IL1RAP: variants seen among roughly 807,000 people sequenced by gnomAD.
The protein encoded by IL1RAP is interleukin 1 receptor accessory protein.
IL1RAP carries 35 observed loss-of-function variants against 60.7 expected under a neutral mutation model. The observed-to-expected ratio is 0.58, with a 90% CI of 0.44 to 0.76. The LOEUF is 0.76. Ranked by LOEUF, IL1RAP falls within the 30% of genes least tolerant of loss-of-function variation. IL1RAP has a pLI of 0.00. For synonymous variants in IL1RAP, 268 were observed against 250.9 expected (o/e 1.07, Z -0.64); for missense variants, 572 against 693.9 (o/e 0.82, Z 1.97).
chr3:190,563,717 CA>C, intron 2 of IL1RAP, among the ~76,000 whole-genome samples: 1 of 152,242 alleles, frequency 6.6e-6, no homozygotes, highest in Non-Finnish European at 1.5e-5. Context: ...AGATTGCAGA[CA>C]AAGTCTGAAT....
In IL1RAP at chr3:190,644,291, A is replaced by G. The variant is rs1182050626; in HGVS notation, c.1095A>G (p.Gly365=). 3 of 1,613,602 alleles carry G rather than the reference A, an allele frequency of 1.9e-6. No homozygotes were observed. The African/African-American group carries it at 4.0e-5, about 22-fold the overall frequency. ...RYTVELACGF[G]ATVLLVVILI... ...CAGTGGAACTGGCTTGTGGTTTTGG[A>G]GCCACAGTCCTGCTAGTGGTGATTC... Residue 365 remains glycine (G), a synonymous_variant, in exon 10 of 12, where the codon GGA becomes GGG. Transcript: ENST00000447382.
intron 9 of IL1RAP, among the ~76,000 whole-genome samples, chr3:190,636,459 G>A (rs1245770375): frequency 1.3e-5 from 2 of 151,646 alleles, no homozygotes; most frequent in Non-Finnish European, 2.9e-5. Context: ...ATTGTGAAAT[G>A]TCCGTTTTTT....
At chr3:190,638,215 C>T (rs1733380056) in intron 9 of IL1RAP, among the ~76,000 whole-genome samples, 1 of 151,082 alleles carries the variant, frequency 6.6e-6, no homozygotes, top group South Asian at 2.1e-4. Context: ...TTTTTTTTTC[C>T]CCAAGTGGCT....
At chr3:190,550,700 G>C (rs1488176490) in intron 1 of IL1RAP, among the ~76,000 whole-genome samples, 3 of 152,186 alleles carry the variant, frequency 2.0e-5, no homozygotes, top group African/African-American at 7.2e-5. Flanking sequence ...CATCCCATTT[G>C]CTCTTTCTGA....
At chr3:190,647,604 C>T (rs978422709) in intron 11 of IL1RAP, among the ~76,000 whole-genome samples, 9 of 152,118 alleles carry the variant, frequency 5.9e-5, no homozygotes, top group Non-Finnish European at 1.5e-5. Flanking sequence ...GCTGCCGAAA[C>T]ACATAGCTTT....
At chr3:190,527,959 T>C (rs1577507857) in intron 1 of IL1RAP, among the ~76,000 whole-genome samples, 1 of 151,518 alleles carries the variant, frequency 6.6e-6, no homozygotes, top group Admixed American at 6.6e-5. Flanking sequence ...TTTTCATCTT[T>C]CTCTCTCTGA....
rs1560247033 is a variant in IL1RAP at position 190,650,023 on chromosome 3, T to TA, written c.*1319dup. The TA allele has an allele frequency of 2.7e-5, 15 of 550,474 alleles. No homozygotes were observed. Among genetic ancestry groups the TA allele is most frequent in the Non-Finnish European group, 3.5e-5 (15 of 433,376 alleles). 34.1% of individuals were successfully genotyped at this position (550,474 alleles called of 1,614,324 possible). A position where few individuals can be genotyped will look rare whatever the true frequency, so the allele number is the denominator to read the frequency against. ...TATATACATATCCACACACATACAT[T>TA]ACATATATCTGTGTATATAAATCCA... On this transcript the variant is annotated 3_prime_UTR_variant, in exon 12 of 12. Coordinates refer to ENST00000447382, the MANE Select transcript of IL1RAP (RefSeq NM_002182.4).
In IL1RAP at chr3:190,645,548, G is replaced by A. The variant is rs1043803264; in HGVS notation, c.1202-151G>A. 109 of 609,656 alleles carry A rather than the reference G, an allele frequency of 1.8e-4. 1 individual carries two copies. Among genetic ancestry groups the A allele is most frequent in the African/African-American group, 1.3e-3 (70 of 54,212 alleles). The allele number at this position is 609,656 out of a possible 1,614,324, so 37.8% of individuals were successfully genotyped here. A position where few individuals can be genotyped will look rare whatever the true frequency, so the allele number is the denominator to read the frequency against. Reference sequence around the variant, plus strand: ...TTCAAAATTACATCTTCAAATAGTCGTTTTGCGTGGAGACTTGTTGCAAGT... The same window carrying A: ...TTCAAAATTACATCTTCAAATAGTCATTTTGCGTGGAGACTTGTTGCAAGT... On this transcript the variant is annotated intron_variant, in intron 10 of 11. Coordinates refer to ENST00000447382, the MANE Select transcript of IL1RAP (RefSeq NM_002182.4).
At chr3:190,591,399 G>C (rs535330268) in intron 3 of IL1RAP, among the ~76,000 whole-genome samples, 4 of 152,094 alleles carry the variant, frequency 2.6e-5, no homozygotes, top group African/African-American at 9.7e-5. Flanking sequence ...GGACATTAGA[G>C]CCCTGGTTTG....
intron 7 of IL1RAP, among the ~76,000 whole-genome samples, chr3:190,623,750 C>T (rs1731981684): frequency 6.6e-6 from 1 of 152,206 alleles, no homozygotes; most frequent in Non-Finnish European, 1.5e-5. Flanking sequence ...ATTTAGACAT[C>T]CTTCAAGCTC....
intron 3 of IL1RAP, 91 bp from the exon 4 acceptor site, chr3:190,604,037 A>T (rs1169469938): frequency 2.3e-6 from 3 of 1,286,286 alleles, no homozygotes; most frequent in East Asian, 4.8e-5. Context: ...TCTGGAAAAG[A>T]CCGGGTGAAC....
At chr3:190,651,544 T>G, downstream of IL1RAP, 1 of 239,324 alleles carries the variant, frequency 4.2e-6, no homozygotes, top group Non-Finnish European at 6.7e-6. Flanking sequence ...TTTATGTCAT[T>G]TGGTCATTTG....
Position 190,625,855 on chromosome 3 carries a change from G to T in IL1RAP, c.776-1468G>T, listed in dbSNP as rs182708690. 1.6e-4 allele frequency among the ~76,000 whole-genome samples: 24 copies of T among 150,540 alleles called. No homozygotes were observed. In the East Asian group the frequency reaches 4.6e-3, roughly 29 times the overall value. On this transcript the variant is annotated intron_variant, in intron 7 of 11. Coordinates refer to ENST00000447382, the MANE Select transcript of IL1RAP (RefSeq NM_002182.4). Reference sequence around the variant, plus strand: ...CCTTATTAATAACATAAATATATTTGTCTACCTGTCAAACTATGCTGACAG... The same window carrying T: ...CCTTATTAATAACATAAATATATTTTTCTACCTGTCAAACTATGCTGACAG...
intron 3 of IL1RAP, among the ~76,000 whole-genome samples, chr3:190,567,501 T>A (rs73886478): frequency 0.13 from 20,338 of 152,146 alleles, 1,862 homozygotes; most frequent in African/African-American, 0.26. Flanking sequence ...AAGTATTTAA[T>A]TGTATTACTC....
At chr3:190,535,159 A>G (rs572728379) in intron 1 of IL1RAP, among the ~76,000 whole-genome samples, 2 of 152,266 alleles carry the variant, frequency 1.3e-5, no homozygotes, top group Admixed American at 1.3e-4. Flanking sequence ...ATGCTATCAC[A>G]TTCAGTTTAC....
Position 190,641,877 on chromosome 3 carries a change from A to T in IL1RAP, c.1052-2371A>T, listed in dbSNP as rs188807276. 5.3e-5 allele frequency among the ~76,000 whole-genome samples: 8 copies of T among 152,292 alleles called. No homozygotes were observed. In the East Asian group the frequency reaches 1.5e-3, roughly 29 times the overall value. ...ATTTTCATGCCAGCTATCCAAATAG[A>T]TCTTAGTAAACTTTCAGCAACTGCA... On this transcript the variant is annotated intron_variant, in intron 9 of 11. Transcript: ENST00000447382.
rs570637358 is a variant in IL1RAP at position 190,641,234 on chromosome 3, G to C, written c.1052-3014G>C. Among the ~76,000 whole-genome samples, 27 of 152,306 alleles carry C rather than the reference G, an allele frequency of 1.8e-4. 1 individual carries two copies. The South Asian group carries it at 2.5e-3, about 14-fold the overall frequency. On this transcript the variant is annotated intron_variant, in intron 9 of 11. Coordinates refer to ENST00000447382, the MANE Select transcript of IL1RAP (RefSeq NM_002182.4). Reference sequence around the variant, plus strand: ...CCGGTCTTGGCCTCCCAAAGTGTTGGGGTTACAGGCGTGAGCCACTGCGCC... The same window carrying C: ...CCGGTCTTGGCCTCCCAAAGTGTTGCGGTTACAGGCGTGAGCCACTGCGCC...
At chr3:190,546,469 G>A (rs543901838) in intron 1 of IL1RAP, among the ~76,000 whole-genome samples, 1 of 152,304 alleles carries the variant, frequency 6.6e-6, no homozygotes, top group African/African-American at 2.4e-5. Flanking sequence ...CTGGCATGTT[G>A]CTTGGACTGA....
At chr3:190,604,495 TG>T in intron 4 of IL1RAP, 82 bp downstream of exon 4, 1 of 1,407,396 alleles carries the variant, frequency 7.1e-7, no homozygotes. Flanking sequence ...GCTAGGAAGC[TG>T]GGGAGAAGTC....
Sources: allele counts gnomAD v4.1 joint callset (sites outside exome capture counted in the v4.1 genomes callset), GRCh38; gene constraint gnomAD v4.1.1; transcripts MANE v1.5; gene names NCBI Gene and HGNC (gene_info 2026-07-23, HGNC 2026-07-21).